The following SPMIP11 variants were observed in gnomAD, a reference collection of about 807,000 sequenced individuals.
The protein encoded by SPMIP11 is sperm microtubule inner protein 11.
At chr12:48,732,640 G>A in the SPMIP11 span, among the ~76,000 whole-genome samples, 2,469 of 151,714 alleles carry the variant, frequency 0.016, 31 homozygotes, top group Non-Finnish European at 0.024. Flanking sequence ...TGTGGTGACG[G>A]ACGCCTGTAA....
chr12:48,758,910 C>T, the SPMIP11 span, among the ~76,000 whole-genome samples: 1 of 152,164 alleles, frequency 6.6e-6, no homozygotes, highest in Non-Finnish European at 1.5e-5. Flanking sequence ...AGATAAGGGC[C>T]TTTTTCACTT....
the SPMIP11 span, among the ~76,000 whole-genome samples, chr12:48,727,886 T>C: frequency 2.0e-5 from 3 of 151,962 alleles, no homozygotes; most frequent in Non-Finnish European, 4.4e-5. Flanking sequence ...CACATCTCTA[T>C]GAAAAGTTAC....
the SPMIP11 span, among the ~76,000 whole-genome samples, chr12:48,729,632 C>A: frequency 6.6e-5 from 10 of 151,440 alleles, no homozygotes; most frequent in African/African-American, 1.7e-4. Flanking sequence ...ATCGCTTGAA[C>A]CCGGGAGGCA....
At chr12:48,766,395 T>A in the SPMIP11 span, 1 of 152,594 alleles carries the variant, frequency 6.6e-6, no homozygotes, top group East Asian at 1.9e-4. Flanking sequence ...GGCACTGTGG[T>A]ACGGGGATCC....
At chr12:48,738,066 C>T in the SPMIP11 span, among the ~76,000 whole-genome samples, 2 of 151,926 alleles carry the variant, frequency 1.3e-5, no homozygotes, top group Admixed American at 1.3e-4. Flanking sequence ...CTCAAGCAAT[C>T]TGCCCACTTT....
At chr12:48,768,285 A>C in the SPMIP11 span, 1 of 451,514 alleles carries the variant, frequency 2.2e-6, no homozygotes, top group Non-Finnish European at 4.1e-6. Context: ...CCCTCAGGCA[A>C]GAGGCCTCCC....
At chr12:48,761,795 C>A in the SPMIP11 span, among the ~76,000 whole-genome samples, 1 of 138,756 alleles carries the variant, frequency 7.2e-6, no homozygotes, top group African/African-American at 2.8e-5. Flanking sequence ...GCAATTATAG[C>A]TCACTACAGT....
chr12:48,729,216 A>C, the SPMIP11 span, among the ~76,000 whole-genome samples: 1 of 152,176 alleles, frequency 6.6e-6, no homozygotes, highest in Middle Eastern at 3.4e-3. Context: ...CCTGGCCAAC[A>C]TGGTGAAACC....
the SPMIP11 span, among the ~76,000 whole-genome samples, chr12:48,729,925 C>T: frequency 1.2e-4 from 19 of 152,162 alleles, no homozygotes; most frequent in Non-Finnish European, 2.5e-4. Context: ...CAGCATTATG[C>T]CATGGGACTG....
the SPMIP11 span, among the ~76,000 whole-genome samples, chr12:48,764,177 C>T: frequency 4.7e-5 from 7 of 149,840 alleles, no homozygotes; most frequent in African/African-American, 9.9e-5. Flanking sequence ...TTAGTAGAGA[C>T]GGGGTTTCTC....
chr12:48,743,931 C>T, the SPMIP11 span, among the ~76,000 whole-genome samples: 1 of 58,342 alleles, frequency 1.7e-5, no homozygotes, highest in Non-Finnish European at 2.6e-5. Flanking sequence ...AAGACTTCGT[C>T]TCAAAAAAAA....
the SPMIP11 span, chr12:48,768,798 C>G: frequency 6.4e-7 from 1 of 1,569,830 alleles, no homozygotes; most frequent in Non-Finnish European, 8.7e-7. Context: ...TCTAGTCAGG[C>G]TAGCTCCCTT....
the SPMIP11 span, among the ~76,000 whole-genome samples, chr12:48,749,576 G>A: frequency 4.6e-5 from 6 of 130,252 alleles, no homozygotes; most frequent in South Asian, 2.5e-4. Context: ...CAGAGCTTTC[G>A]GTGAGCCAAG....
the SPMIP11 span, among the ~76,000 whole-genome samples, chr12:48,737,298 C>G: frequency 1.3e-5 from 2 of 151,730 alleles, no homozygotes. Flanking sequence ...TCTGAAATTT[C>G]AAAATGATGG....
chr12:48,760,604 G>A, the SPMIP11 span, among the ~76,000 whole-genome samples: 1 of 152,172 alleles, frequency 6.6e-6, no homozygotes, highest in Non-Finnish European at 1.5e-5. Context: ...TTGGCCCACT[G>A]CAACCTCCGC....
chr12:48,736,740 A>G, the SPMIP11 span, among the ~76,000 whole-genome samples: 7 of 151,586 alleles, frequency 4.6e-5, no homozygotes, highest in African/African-American at 1.7e-4. Context: ...TGTTCCTGCA[A>G]TATGCCAAGA....
At chr12:48,768,629 T>C in the SPMIP11 span, 1 of 1,613,938 alleles carries the variant, frequency 6.2e-7, no homozygotes, top group Non-Finnish European at 8.5e-7. Flanking sequence ...TAGGTGGTCA[T>C]CTCCCCCTTG....
At chr12:48,739,221 C>CA in the SPMIP11 span, among the ~76,000 whole-genome samples, 12 of 151,692 alleles carry the variant, frequency 7.9e-5, no homozygotes, top group Admixed American at 1.3e-4. Flanking sequence ...GGGTAAGAAA[C>CA]AAAAAAAAGC....
the SPMIP11 span, among the ~76,000 whole-genome samples, chr12:48,752,436 T>C: frequency 1.3e-5 from 2 of 152,150 alleles, no homozygotes; most frequent in African/African-American, 4.8e-5. Flanking sequence ...AGAACTCTCA[T>C]GTCTACCAGT....
Sources: gnomAD v4.1 joint callset for allele counts (sites outside exome capture counted in the v4.1 genomes callset) on GRCh38, gnomAD v4.1.1 for gene constraint, MANE v1.5 for transcripts, NCBI Gene and HGNC (gene_info 2026-07-23, HGNC 2026-07-21) for gene names.